MALRD1: variants seen among roughly 807,000 people sequenced by gnomAD.
The protein encoded by MALRD1 is MAM and LDL-receptor class A domain-containing protein 1.
A neutral mutation model predicts 242.1 loss-of-function variants in MALRD1; 247 were observed. That is an observed-to-expected ratio of 1.02 (90% CI 0.92 to 1.13). The LOEUF (loss-of-function observed/expected upper bound fraction) is 1.13, where lower values mean the gene tolerates loss of function less well. Among genes scored for constraint, MALRD1 ranks in the 50% most tolerant of loss-of-function variants. The pLI, the probability that MALRD1 is intolerant of heterozygous loss-of-function variation, is 0.00. For synonymous variants in MALRD1, 995 were observed against 866.6 expected (o/e 1.15, Z -2.60); for missense variants, 2,989 against 2,533.1 (o/e 1.18, Z -3.86).
chr10:19,547,696 C>T (rs1487916282), intron 32 of MALRD1, among the ~76,000 whole-genome samples: 1 of 144,236 alleles, frequency 6.9e-6, no homozygotes, highest in African/African-American at 2.5e-5. Context: ...TGACATACTT[C>T]ACTTAAATTT....
intron 36 of MALRD1, among the ~76,000 whole-genome samples, chr10:19,670,665 A>G (rs982751049): frequency 2.0e-5 from 3 of 152,160 alleles, no homozygotes; most frequent in Non-Finnish European, 4.4e-5. Flanking sequence ...CACTGGCACT[A>G]CAACACCCCT....
At chr10:19,185,820 TG>T (rs1835714460) in intron 14 of MALRD1, among the ~76,000 whole-genome samples, 7 of 151,600 alleles carry the variant, frequency 4.6e-5, no homozygotes, top group African/African-American at 1.7e-4. Context: ...AGATAGTGTG[TG>T]TGTGTGTGTG....
At chr10:19,344,569 A>T (rs1014541867) in intron 24 of MALRD1, among the ~76,000 whole-genome samples, 1 of 151,946 alleles carries the variant, frequency 6.6e-6, no homozygotes, top group African/African-American at 2.4e-5. Context: ...AAATCTTGAA[A>T]TCAGTTAGAT....
intron 29 of MALRD1, among the ~76,000 whole-genome samples, chr10:19,467,093 G>T (rs558640241): frequency 6.6e-6 from 1 of 151,974 alleles, no homozygotes; most frequent in African/African-American, 2.4e-5. Context: ...GGTGGCTCAC[G>T]CCTGTAATCC....
chr10:19,212,824 G>T (rs1278138872), intron 18 of MALRD1, among the ~76,000 whole-genome samples: 1 of 152,026 alleles, frequency 6.6e-6, no homozygotes, highest in African/African-American at 2.4e-5. Context: ...GTTTTAATTT[G>T]CATTGCCCTA....
At chr10:19,642,546 C>T (rs552015730) in intron 36 of MALRD1, among the ~76,000 whole-genome samples, 3 of 152,190 alleles carry the variant, frequency 2.0e-5, no homozygotes, top group East Asian at 3.9e-4. Context: ...AATAGAATCA[C>T]AGGGGGAAAA....
intron 28 of MALRD1, among the ~76,000 whole-genome samples, chr10:19,436,089 T>A (rs1448754360): frequency 6.6e-6 from 1 of 152,110 alleles, no homozygotes; most frequent in Non-Finnish European, 1.5e-5. Context: ...ATTTAACCAC[T>A]TTCTGACTTC....
At chr10:19,125,322 C>CTTCTTTCTTTCTTTCT (rs1200202607) in intron 7 of MALRD1, among the ~76,000 whole-genome samples, 7 of 63,752 alleles carry the variant, frequency 1.1e-4, no homozygotes, top group Non-Finnish European at 2.0e-4. Flanking sequence ...TCCTTCCTTC[C>CTTCTTTCTTTCTTTCT]TTCTTTCTTT....
intron 36 of MALRD1, among the ~76,000 whole-genome samples, chr10:19,691,426 A>G (rs765541657): frequency 6.6e-6 from 1 of 152,076 alleles, no homozygotes. Context: ...CATTGCTTCT[A>G]ACACTCAGTT....
chr10:19,166,775 C>A (rs1204576885), intron 13 of MALRD1, among the ~76,000 whole-genome samples: 1 of 152,120 alleles, frequency 6.6e-6, no homozygotes, highest in African/African-American at 2.4e-5. Flanking sequence ...CTAATTTCTA[C>A]CTTCCTGTAT....
intron 29 of MALRD1, among the ~76,000 whole-genome samples, chr10:19,454,239 A>C (rs1259542956): frequency 6.6e-6 from 1 of 151,800 alleles, no homozygotes; most frequent in African/African-American, 2.4e-5. Context: ...CAAAAGTACA[A>C]ACTAATAGGA....
rs34790120 is a variant in MALRD1 at position 19,182,324 on chromosome 10, ATTTTTTTTTT to A, written c.1951+7011_1951+7020del. On this transcript the variant is annotated intron_variant, in intron 14 of 39. Coordinates refer to ENST00000454679, the MANE Select transcript of MALRD1 (RefSeq NM_001142308.3). ...AACACAGTCTGCCTCCAAAACCTAC[ATTTTTTTTTT>A]TTTTTTTTTTTTTTGAGACGGAGTC... 2.1e-4 allele frequency among the ~76,000 whole-genome samples: 17 copies of A among 81,960 alleles called. No individual in the cohort carries two copies. The East Asian group carries it at 5.2e-3, about 25-fold the overall frequency. The allele number at this position is 81,960 out of a possible 152,430, so 53.8% of individuals were successfully genotyped here.
intron 26 of MALRD1, among the ~76,000 whole-genome samples, chr10:19,368,597 T>C (rs919132613): frequency 1.3e-5 from 2 of 152,034 alleles, no homozygotes; most frequent in African/African-American, 2.4e-5. Context: ...CTTTGACTAT[T>C]TGGGGTCTTT....
intron 24 of MALRD1, among the ~76,000 whole-genome samples, chr10:19,336,566 G>T (rs1374457160): frequency 6.6e-6 from 1 of 152,216 alleles, no homozygotes; most frequent in East Asian, 1.9e-4. Flanking sequence ...TCTGAATTAG[G>T]CTTGAGATCA....
intron 38 of MALRD1, among the ~76,000 whole-genome samples, chr10:19,700,312 C>G (rs1482769135): frequency 6.6e-6 from 1 of 152,084 alleles, no homozygotes; most frequent in African/African-American, 2.4e-5. Flanking sequence ...TTGCTCGAGG[C>G]AGCAGCCTTC....
chr10:19,505,896 CACA>C lies in MALRD1; in HGVS notation c.5320+7252_5320+7254del, dbSNP rs1479090938. Among the ~76,000 whole-genome samples, 11 of 152,292 alleles carry C rather than the reference CACA, an allele frequency of 7.2e-5. No individual in the cohort carries two copies. The East Asian group carries it at 2.1e-3, about 29-fold the overall frequency. ...CATAGTTGGGGTTACACAGGATCAT[CACA>C]ATAGGGAGTGGTTTTGAACCTTGGC... On this transcript the variant is annotated intron_variant, in intron 31 of 39. Coordinates refer to ENST00000454679, the MANE Select transcript of MALRD1 (RefSeq NM_001142308.3).
chr10:19,341,732 T>A (rs1843888358), intron 24 of MALRD1, among the ~76,000 whole-genome samples: 1 of 151,772 alleles, frequency 6.6e-6, no homozygotes, highest in Non-Finnish European at 1.5e-5. Flanking sequence ...GACTAAAGAA[T>A]GAAAAATGAT....
intron 38 of MALRD1, among the ~76,000 whole-genome samples, chr10:19,727,276 G>C (rs1835071894): frequency 6.6e-6 from 1 of 152,042 alleles, no homozygotes; most frequent in South Asian, 2.1e-4. Flanking sequence ...AACATAGATT[G>C]GTTTTTGTTT....
intron 8 of MALRD1, among the ~76,000 whole-genome samples, chr10:19,132,974 C>T (rs763563889): frequency 2.0e-4 from 31 of 152,072 alleles, no homozygotes; most frequent in South Asian, 8.3e-4. Flanking sequence ...CATGCTCTGT[C>T]GCCCAGGCTG....
Sources: gnomAD v4.1 joint callset for allele counts (sites outside exome capture counted in the v4.1 genomes callset) on GRCh38, gnomAD v4.1.1 for gene constraint, MANE v1.5 for transcripts, NCBI Gene and HGNC (gene_info 2026-07-23, HGNC 2026-07-21) for gene names.